Variants in RHBDD1 observed in about 807,000 individuals in gnomAD.
RHBDD1 encodes rhomboid domain containing 1, also known as rhomboid-related protein 4.
In RHBDD1, 38 loss-of-function variants were observed where a neutral mutation model predicts 36.3. The observed-to-expected ratio is 1.05, with a 90% confidence interval of 0.81 to 1.37. The LOEUF is 1.37. RHBDD1 is among the 40% of genes most tolerant of loss of function. RHBDD1 has a pLI of 0.00. For synonymous variants in RHBDD1, 151 were observed against 136.5 expected (o/e 1.11, Z -0.74); for missense variants, 393 against 377.6 (o/e 1.04, Z -0.34).
chr2:226,987,926 A>T (rs1253018170), intron 8 of RHBDD1, among the ~76,000 whole-genome samples: 1 of 152,180 alleles, frequency 6.6e-6, no homozygotes, highest in East Asian at 1.9e-4. Flanking sequence ...TGCACACTTC[A>T]GATTAAGGAC....
chr2:226,901,785 G>A (rs1947618583), intron 5 of RHBDD1, among the ~76,000 whole-genome samples: 1 of 152,094 alleles, frequency 6.6e-6, no homozygotes, highest in African/African-American at 2.4e-5. Flanking sequence ...ATAGCTCATT[G>A]GCAATAAATG....
chr2:226,940,981 C>G (rs867453030), intron 8 of RHBDD1, among the ~76,000 whole-genome samples: 1 of 151,154 alleles, frequency 6.6e-6, no homozygotes. Context: ...GAATCTCGCT[C>G]TATTGCCCAG....
At chr2:226,917,861 A>G (rs1302252461) in intron 8 of RHBDD1, among the ~76,000 whole-genome samples, 3 of 152,146 alleles carry the variant, frequency 2.0e-5, no homozygotes, top group Non-Finnish European at 4.4e-5. Context: ...TGAATGAAAT[A>G]TAAAAATAAA....
intron 8 of RHBDD1, among the ~76,000 whole-genome samples, chr2:226,945,926 A>G (rs6436642): frequency 0.015 from 2,238 of 151,344 alleles, 66 homozygotes; most frequent in African/African-American, 0.051. Flanking sequence ...TTTTTTTCCT[A>G]TGTTTGTTGG....
chr2:226,967,971 C>T (rs1045717246), intron 8 of RHBDD1, among the ~76,000 whole-genome samples: 3 of 152,186 alleles, frequency 2.0e-5, no homozygotes, highest in Non-Finnish European at 4.4e-5. Flanking sequence ...GGCCATGACT[C>T]TCTTTTGCTA....
At chr2:226,819,173 T>C in the RHBDD1 span, among the ~76,000 whole-genome samples, 1 of 152,218 alleles carries the variant, frequency 6.6e-6, no homozygotes, top group Non-Finnish European at 1.5e-5. Flanking sequence ...TATTTGATGA[T>C]GAAGACAGAT....
At chr2:226,808,893 T>C in the RHBDD1 span, among the ~76,000 whole-genome samples, 1 of 151,922 alleles carries the variant, frequency 6.6e-6, no homozygotes, top group Non-Finnish European at 1.5e-5. Context: ...GTAGTCATTG[T>C]TTTAAACTAC....
upstream of RHBDD1, among the ~76,000 whole-genome samples, chr2:226,832,843 A>G (rs372119222): frequency 8.1e-4 from 123 of 152,234 alleles, 4 homozygotes; most frequent in South Asian, 0.024. Flanking sequence ...CCCCATCTCT[A>G]CTAAAAAAAT....
At chr2:226,874,583 A>G (rs1430841571) in intron 5 of RHBDD1, among the ~76,000 whole-genome samples, 1 of 152,124 alleles carries the variant, frequency 6.6e-6, no homozygotes, top group Non-Finnish European at 1.5e-5. Flanking sequence ...GTCCAGGGTC[A>G]TGTGGCCTTC....
intron 5 of RHBDD1, among the ~76,000 whole-genome samples, chr2:226,874,468 T>C (rs1170843884): frequency 6.6e-6 from 1 of 152,180 alleles, no homozygotes; most frequent in Non-Finnish European, 1.5e-5. Flanking sequence ...GAGTTCCCTC[T>C]AGACTCTAGA....
At chr2:226,987,806 C>G (rs1220411498) in intron 8 of RHBDD1, among the ~76,000 whole-genome samples, 1 of 152,282 alleles carries the variant, frequency 6.6e-6, no homozygotes, top group Middle Eastern at 3.4e-3. Context: ...TCTGGGTGCT[C>G]GTTAAAATGA....
Position 226,980,197 on chromosome 2 carries a change from A to G in RHBDD1, c.857-15234A>G, listed in dbSNP as rs375220938. Among the ~76,000 whole-genome samples, 226 of 152,316 alleles carry G rather than the reference A, an allele frequency of 1.5e-3. No homozygotes were observed. In the Middle Eastern group the frequency reaches 0.017, roughly 11 times the overall value. On this transcript the variant is annotated intron_variant, in intron 8 of 8. Transcript: ENST00000392062. The stretch of plus-strand genomic sequence containing the variant: ...CACACCCATGAGCTAGATTTTACAG[A>G]TAAGAAAATTGAGGATCAGTGAATA...
chr2:226,959,950 G>A (rs944750020), intron 8 of RHBDD1, among the ~76,000 whole-genome samples: 1 of 152,088 alleles, frequency 6.6e-6, no homozygotes, highest in African/African-American at 2.4e-5. Flanking sequence ...AGCCTCCCGA[G>A]TAGCTGGGAC....
chr2:226,969,989 T>G (rs1377328828), intron 8 of RHBDD1, among the ~76,000 whole-genome samples: 1 of 111,924 alleles, frequency 8.9e-6, no homozygotes, highest in African/African-American at 3.5e-5. Flanking sequence ...TTTACAACTG[T>G]CCCCCCCCCC....
At chr2:226,834,933 G>A (rs1940844252), upstream of RHBDD1, among the ~76,000 whole-genome samples, 1 of 152,148 alleles carries the variant, frequency 6.6e-6, no homozygotes, top group Non-Finnish European at 1.5e-5. Flanking sequence ...CCGCAACCAT[G>A]CCTGGCTAAT....
intron 5 of RHBDD1, among the ~76,000 whole-genome samples, chr2:226,885,698 A>C (rs1946144280): frequency 6.6e-6 from 1 of 152,206 alleles, no homozygotes; most frequent in Non-Finnish European, 1.5e-5. Context: ...TTTTTCTTCA[A>C]ACATTTCCCC....
chr2:226,942,076 A>G (rs1195720225), intron 8 of RHBDD1, among the ~76,000 whole-genome samples: 1 of 152,160 alleles, frequency 6.6e-6, no homozygotes, highest in East Asian at 1.9e-4. Context: ...ACAATATTAT[A>G]GCCTCCTCAG....
Position 226,915,583 on chromosome 2 carries a change from T to C in RHBDD1, c.856+1232T>C, listed in dbSNP as rs76265863. Among the ~76,000 whole-genome samples, 1,152 of 152,306 alleles carry C rather than the reference T, an allele frequency of 7.6e-3. 15 individuals carry two copies. Among genetic ancestry groups the C allele is most frequent in the African/African-American group, 0.026 (1,101 of 41,574 alleles). On this transcript the variant is annotated intron_variant, in intron 8 of 8. Coordinates refer to ENST00000392062, the MANE Select transcript of RHBDD1 (RefSeq NM_001167608.3). ...AGCACCAATCAGGTACCAAGCATTA[T>C]GCTAGGTGATGAGAGTACATAAATT...
intron 6 of RHBDD1, among the ~76,000 whole-genome samples, chr2:226,907,946 T>A (rs1948187099): frequency 6.6e-6 from 1 of 152,180 alleles, no homozygotes; most frequent in South Asian, 2.1e-4. Context: ...CTTGTTTCTT[T>A]TTTCTGTGTC....
Sources: allele counts gnomAD v4.1 joint callset (sites outside exome capture counted in the v4.1 genomes callset), GRCh38; gene constraint gnomAD v4.1.1; transcripts MANE v1.5; gene names NCBI Gene and HGNC (gene_info 2026-07-23, HGNC 2026-07-21).